The following PDE1B variants were observed in gnomAD, a reference collection of about 807,000 sequenced individuals.
PDE1B encodes the protein phosphodiesterase 1B, also known as dual specificity calcium/calmodulin-dependent 3',5'-cyclic nucleotide phosphodiesterase 1B.
PDE1B carries 13 observed loss-of-function variants against 66.7 expected under a neutral mutation model. The observed-to-expected ratio is 0.19, with a 90% CI of 0.13 to 0.31. The LOEUF is 0.31. PDE1B is among the 10% of genes least tolerant of loss of function. The pLI is 1.00. For missense variants in PDE1B, 485 were observed against 682.3 expected (o/e 0.71, Z 3.22); for synonymous variants, 230 against 253.9 (o/e 0.91, Z 0.90).
At chr12:54,571,737 G>A (rs1957619739) in intron 6 of PDE1B, 1 of 152,194 alleles carries the variant, frequency 6.6e-6, no homozygotes, top group South Asian at 2.1e-4. Context: ...CAACGCAAAA[G>A]CAAGGGCAGT....
At position 54,575,313 on chromosome 12, in the gene PDE1B, G is replaced by A. The variant is rs1957714292; in HGVS notation, c.1185+95G>A. 3 of 1,124,292 alleles carry A rather than the reference G, an allele frequency of 2.7e-6. No homozygotes were observed. Among genetic ancestry groups the A allele is most frequent in the Non-Finnish European group, 2.7e-6 (2 of 749,010 alleles). 69.6% of individuals were successfully genotyped at this position (1,124,292 alleles called of 1,614,324 possible). On this transcript the variant is annotated intron_variant, in intron 11 of 15. Coordinates refer to ENST00000243052, the MANE Select transcript of PDE1B (RefSeq NM_000924.4). The surrounding 1 kb of genome is among the most constrained non-coding windows in gnomAD (Gnocchi z 4.0). ...CAATCCTGTTCCACATCCTCCTTTT[G>A]CTACCTGTAGTCTCTGACCTGATCC...
intron 2 of PDE1B, among the ~76,000 whole-genome samples, chr12:54,552,792 T>C (rs1181847587): frequency 6.6e-6 from 1 of 152,196 alleles, no homozygotes; most frequent in Non-Finnish European, 1.5e-5. Context: ...CATCTGGAGA[T>C]GATGAGTTGG....
At chr12:54,558,140 G>A (rs1459375337) in intron 2 of PDE1B, among the ~76,000 whole-genome samples, 2 of 152,136 alleles carry the variant, frequency 1.3e-5, no homozygotes, top group Non-Finnish European at 2.9e-5. Context: ...ACAGGCACAG[G>A]AGGAGTCTGA....
At chr12:54,559,609 G>A (rs1957381185) in intron 2 of PDE1B, among the ~76,000 whole-genome samples, 1 of 152,188 alleles carries the variant, frequency 6.6e-6, no homozygotes, top group African/African-American at 2.4e-5. Context: ...GGCAAAGTAT[G>A]CAGCATGCAT....
Position 54,567,097 on chromosome 12 carries a change from A to G in PDE1B, c.227+10A>G. ...ACATAGATGAGACACGGTGAGAGAG[A>G]CCGACAGACAGAGAAGGAGAAAGAT... is the stretch of plus-strand genomic sequence containing the variant. On this transcript the variant is annotated intron_variant, in intron 3 of 15. Coordinates refer to ENST00000243052, the MANE Select transcript of PDE1B (RefSeq NM_000924.4). 1 of 1,368,482 alleles carries G rather than the reference A, an allele frequency of 7.3e-7. No individual in the cohort carries two copies. The highest frequency in any genetic ancestry group is 1.2e-5 in the South Asian group (1 of 83,386). 84.8% of individuals were successfully genotyped at this position (1,368,482 alleles called of 1,614,324 possible).
At chr12:54,574,729 G>T (rs1273290592) in intron 10 of PDE1B, 2 of 178,574 alleles carry the variant, frequency 1.1e-5, no homozygotes, top group Non-Finnish European at 2.4e-5. Flanking sequence ...CCAGCACTTT[G>T]GGAGGCCGAG....
chr12:54,550,413 T>G (rs550683379), intron 2 of PDE1B, among the ~76,000 whole-genome samples: 1 of 152,348 alleles, frequency 6.6e-6, no homozygotes, highest in Non-Finnish European at 1.5e-5. Context: ...GTGGAGTGAT[T>G]GCACACAGCT....
At chr12:54,561,103 G>T (rs1389439900) in intron 2 of PDE1B, among the ~76,000 whole-genome samples, 2 of 152,130 alleles carry the variant, frequency 1.3e-5, no homozygotes, top group Non-Finnish European at 2.9e-5. Context: ...CCCTGAAAGG[G>T]AGCTGAATCT....
chr12:54,571,381 CAG>C (rs1957613269), intron 6 of PDE1B: 1 of 152,212 alleles, frequency 6.6e-6, no homozygotes, highest in Admixed American at 6.5e-5. Flanking sequence ...CTCTCCAGGA[CAG>C]AGAATAGTAG....
At position 54,575,314 on chromosome 12, in the gene PDE1B, C is replaced by A; in HGVS notation, c.1185+96C>A. The A allele has an allele frequency of 2.7e-6, 3 of 1,123,528 alleles. No homozygotes were observed. Among genetic ancestry groups the A allele is most frequent in the Non-Finnish European group, 4.0e-6 (3 of 748,146 alleles). The allele number at this position is 1,123,528 out of a possible 1,614,324, so 69.6% of individuals were successfully genotyped here. A position where few individuals can be genotyped will look rare whatever the true frequency, so the allele number is the denominator to read the frequency against. The stretch of plus-strand genomic sequence containing the variant: ...AATCCTGTTCCACATCCTCCTTTTG[C>A]TACCTGTAGTCTCTGACCTGATCCC... On this transcript the variant is annotated intron_variant, in intron 11 of 15. Coordinates refer to ENST00000243052, the MANE Select transcript of PDE1B (RefSeq NM_000924.4). The surrounding 1 kb of genome is among the most constrained non-coding windows in gnomAD (Gnocchi z 4.0).
Position 54,569,274 on chromosome 12 carries a change from C to G in PDE1B, c.318C>G (p.Thr106=). Residue 106 remains threonine (T), a synonymous_variant, in exon 4 of 16, where the codon ACC becomes ACG. Transcript: ENST00000243052. The surrounding 1 kb of genome is among the most constrained non-coding windows in gnomAD (Gnocchi z 4.4). ...EVRDWLASTF[T]QQARAKGRRA... is the part of the protein sequence containing the mutation. ...GGGACTGGCTGGCCTCCACCTTCACCCAGCAGGCCCGGGCCAAAGGCCGCC... is the reference window on the plus strand; with the variant it reads ...GGGACTGGCTGGCCTCCACCTTCACGCAGCAGGCCCGGGCCAAAGGCCGCC... 1 of 1,614,078 alleles carries G rather than the reference C, an allele frequency of 6.2e-7. No homozygotes were observed. Among genetic ancestry groups the G allele is most frequent in the Non-Finnish European group, 8.5e-7 (1 of 1,179,978 alleles).
At chr12:54,571,090 G>A (rs1273264917) in intron 6 of PDE1B, 8 of 152,268 alleles carry the variant, frequency 5.3e-5, no homozygotes, top group Admixed American at 4.6e-4. Flanking sequence ...GAAGGGAAAC[G>A]TGGATGATCT....
intron 6 of PDE1B, 168 bp from the exon 7 acceptor site, chr12:54,572,433 C>G (rs1489238663): frequency 1.5e-6 from 1 of 673,298 alleles, no homozygotes; most frequent in African/African-American, 1.8e-5. Flanking sequence ...CAAGGTTGCA[C>G]AGCCAGCAGG....
chr12:54,563,232 C>T lies in PDE1B; in HGVS notation c.114-3742C>T, dbSNP rs73110915. Reference sequence around the variant, plus strand: ...CCGACAGAATTAATTAAGGTTGGACCGGCTGAGACTGCAGAAGCTATGGTG... The same window carrying T: ...CCGACAGAATTAATTAAGGTTGGACTGGCTGAGACTGCAGAAGCTATGGTG... On this transcript the variant is annotated intron_variant, in intron 2 of 15. Coordinates refer to ENST00000243052, the MANE Select transcript of PDE1B (RefSeq NM_000924.4). Among the ~76,000 whole-genome samples, 1,242 of 152,286 alleles carry T rather than the reference C, an allele frequency of 8.2e-3. 5 individuals carry two copies. Among genetic ancestry groups the T allele is most frequent in the Non-Finnish European group, 0.013 (852 of 68,028 alleles).
intron 15 of PDE1B, chr12:54,577,647 AG>A: frequency 4.0e-6 from 5 of 1,247,230 alleles, no homozygotes; most frequent in Middle Eastern, 2.7e-4. Context: ...GTTAGGGAAA[AG>A]GAGCCCAGCC....
At position 54,570,290 on chromosome 12, in the gene PDE1B, A is replaced by G. The variant is rs750510150; in HGVS notation, c.527A>G (p.Asp176Gly). ...FDVFSLNQAA[D>G]DHALRTIVFE... ...GTCTTTTCCTTGAACCAGGCAGCAG[A>G]TGACCATGCCCTGAGGACCATTGTT... Residue 176 changes from aspartate to glycine, a missense_variant, in exon 6 of 16, where the codon GAT becomes GGT. Asp to Gly is a moderately conservative substitution (Grantham distance 94). Coordinates refer to ENST00000243052, the MANE Select transcript of PDE1B (RefSeq NM_000924.4). 2.5e-6 allele frequency: 4 copies of G among 1,613,938 alleles called. No individual in the cohort carries two copies. The highest frequency in any genetic ancestry group is 3.4e-6 in the Non-Finnish European group (4 of 1,179,830).
Position 54,573,039 on chromosome 12 carries a change from C to T in PDE1B, c.736-109C>T, listed in dbSNP as rs929420122. 2.3e-6 allele frequency: 2 copies of T among 858,840 alleles called. No individual in the cohort carries two copies. Among genetic ancestry groups the T allele is most frequent in the Non-Finnish European group, 3.8e-6 (2 of 519,918 alleles). 53.2% of individuals were successfully genotyped at this position (858,840 alleles called of 1,614,324 possible). On this transcript the variant is annotated intron_variant, in intron 7 of 15. Transcript: ENST00000243052. This position sits in a 1 kb window ranked among gnomAD's most constrained non-coding sequence, Gnocchi z 5.2. Reference sequence around the variant, plus strand: ...CTGGCTGCATTAACCAAGAGCTGGCCTGGAAGCATGGAAGGGATGGGATGA... The same window carrying T: ...CTGGCTGCATTAACCAAGAGCTGGCTTGGAAGCATGGAAGGGATGGGATGA...
rs367945191 is a variant in PDE1B at position 54,567,099 on chromosome 12, C to T, written c.227+12C>T. ...ATAGATGAGACACGGTGAGAGAGAC[C>T]GACAGACAGAGAAGGAGAAAGATGT... On this transcript the variant is annotated intron_variant, in intron 3 of 15. Coordinates refer to ENST00000243052, the MANE Select transcript of PDE1B (RefSeq NM_000924.4). 78 of 1,350,892 alleles carry T rather than the reference C, an allele frequency of 5.8e-5. No homozygotes were observed. The African/African-American group carries it at 6.4e-4, about 11-fold the overall frequency. The allele number at this position is 1,350,892 out of a possible 1,614,324, so 83.7% of individuals were successfully genotyped here. A position where few individuals can be genotyped will look rare whatever the true frequency, so the allele number is the denominator to read the frequency against.
At position 54,549,744 on chromosome 12, in the gene PDE1B, C is replaced by A; in HGVS notation, c.-42C>A. 1.5e-6 allele frequency: 1 copy of A among 676,902 alleles called. No homozygotes were observed. The highest frequency in any genetic ancestry group is 2.5e-6 in the Non-Finnish European group (1 of 392,348). 41.9% of individuals were successfully genotyped at this position (676,902 alleles called of 1,614,324 possible). On this transcript the variant is annotated 5_prime_UTR_variant, in exon 1 of 16. Transcript: ENST00000243052. ...CCAGCTTGGGCCGAGCCTAGAGACA[C>A]CGGCCTGGCTGGTCCACGCCAGCCG...
Sources: allele counts gnomAD v4.1 joint callset (sites outside exome capture counted in the v4.1 genomes callset), GRCh38; gene constraint gnomAD v4.1.1; non-coding constraint Gnocchi (gnomAD v3.1); transcripts MANE v1.5; gene names NCBI Gene and HGNC (gene_info 2026-07-23, HGNC 2026-07-21).